Variants in SCOC observed in about 807,000 individuals in gnomAD.
SCOC encodes the protein short coiled coil protein.
A neutral mutation model predicts 9.9 loss-of-function variants in SCOC; 7 were observed. The observed-to-expected ratio is 0.71, with a 90% confidence interval of 0.40 to 1.33. The LOEUF (loss-of-function observed/expected upper bound fraction) is 1.33, where lower values mean the gene tolerates loss of function less well. Among genes scored for constraint, SCOC ranks in the 40% most tolerant of loss-of-function variants. The pLI, the probability that SCOC is intolerant of heterozygous loss-of-function variation, is 0.01. For synonymous variants in SCOC, 19 were observed against 28.2 expected (o/e 0.67, Z 1.03); for missense variants, 66 against 89.7 (o/e 0.74, Z 1.07).
chr4:140,348,804 G>A (rs1158477031), intron 2 of SCOC, among the ~76,000 whole-genome samples: 3 of 152,152 alleles, frequency 2.0e-5, no homozygotes, highest in Non-Finnish European at 2.9e-5. Flanking sequence ...TTCTATAGTA[G>A]CTGTACTAAT....
At chr4:140,321,548 ACTGT>A (rs1448570915) in intron 1 of SCOC, among the ~76,000 whole-genome samples, 2 of 152,198 alleles carry the variant, frequency 1.3e-5, no homozygotes, top group Non-Finnish European at 2.9e-5. Flanking sequence ...AGATATGAAG[ACTGT>A]CTTTCATGGG....
chr4:140,277,312 G>A (rs1469272300), intron 1 of SCOC, among the ~76,000 whole-genome samples: 6 of 152,242 alleles, frequency 3.9e-5, no homozygotes, highest in Non-Finnish European at 1.5e-5. Flanking sequence ...CACTGTATGA[G>A]TTGGGGGGGG....
intron 1 of SCOC, among the ~76,000 whole-genome samples, chr4:140,307,306 A>G (rs1321965817): frequency 6.6e-6 from 1 of 152,212 alleles, no homozygotes; most frequent in Non-Finnish European, 1.5e-5. Context: ...CTGGTAGAGC[A>G]TACTCTGCTA....
chr4:140,346,750 C>G (rs530891049), intron 2 of SCOC, among the ~76,000 whole-genome samples: 1 of 152,232 alleles, frequency 6.6e-6, no homozygotes, highest in East Asian at 1.9e-4. Flanking sequence ...CCCAAAGAAA[C>G]ATTACAAATG....
At chr4:140,366,508 T>C in intron 2 of SCOC, 5 of 1,564,606 alleles carry the variant, frequency 3.2e-6, no homozygotes, top group Non-Finnish European at 4.4e-6. Flanking sequence ...GATTATTCTG[T>C]TCCTCATTGC....
intron 2 of SCOC, chr4:140,366,286 G>T: frequency 7.2e-7 from 1 of 1,396,944 alleles, no homozygotes; most frequent in Non-Finnish European, 9.5e-7. Flanking sequence ...GGAGCTTTTT[G>T]ACCCTTCTGA....
At chr4:140,306,160 TG>T (rs1731975673) in intron 1 of SCOC, among the ~76,000 whole-genome samples, 2 of 152,034 alleles carry the variant, frequency 1.3e-5, no homozygotes, top group Admixed American at 1.3e-4. Flanking sequence ...TGGCGGAAGG[TG>T]AATGAGGATC....
chr4:140,346,941 A>G (rs1052308591), intron 2 of SCOC, among the ~76,000 whole-genome samples: 2 of 152,284 alleles, frequency 1.3e-5, no homozygotes, highest in Admixed American at 6.5e-5. Flanking sequence ...TGAACTATGT[A>G]TCTTTCAATG....
At chr4:140,361,974 ATTTC>A (rs1470173971) in intron 2 of SCOC, among the ~76,000 whole-genome samples, 1 of 152,024 alleles carries the variant, frequency 6.6e-6, no homozygotes, top group East Asian at 1.9e-4. Context: ...TTGAGGAGCT[ATTTC>A]TTCTAAGGCT....
intron 1 of SCOC, among the ~76,000 whole-genome samples, chr4:140,294,358 T>C (rs1413671400): frequency 6.6e-6 from 1 of 152,200 alleles, no homozygotes; most frequent in Admixed American, 6.5e-5. Context: ...CGGATGCCAC[T>C]GTGGAAATTA....
chr4:140,299,486 G>A (rs1731752336), intron 1 of SCOC, among the ~76,000 whole-genome samples: 1 of 152,106 alleles, frequency 6.6e-6, no homozygotes, highest in African/African-American at 2.4e-5. Context: ...ATTTCTTAAA[G>A]TTAGAAGCTA....
At chr4:140,319,642 C>G (rs1488222500) in intron 1 of SCOC, among the ~76,000 whole-genome samples, 1 of 151,980 alleles carries the variant, frequency 6.6e-6, no homozygotes, top group African/African-American at 2.4e-5. Flanking sequence ...TTCTCTAAAA[C>G]TTTCAAGATC....
intron 1 of SCOC, among the ~76,000 whole-genome samples, chr4:140,323,066 G>C (rs763038588): frequency 6.6e-6 from 1 of 152,122 alleles, no homozygotes; most frequent in Admixed American, 6.5e-5. Context: ...GATATAGTTT[G>C]GATGTTTGTC....
At chr4:140,294,561 G>A (rs909608125) in intron 1 of SCOC, among the ~76,000 whole-genome samples, 1 of 152,112 alleles carries the variant, frequency 6.6e-6, no homozygotes, top group African/African-American at 2.4e-5. Context: ...TCAAAGACTT[G>A]GAGGAAATGA....
intron 1 of SCOC, among the ~76,000 whole-genome samples, chr4:140,374,743 C>T (rs997897714): frequency 3.3e-5 from 5 of 152,068 alleles, no homozygotes; most frequent in Admixed American, 6.5e-5. Flanking sequence ...AAGTTTTTTC[C>T]ATTGCATAAT....
At chr4:140,292,081 T>C (rs1454534110) in intron 1 of SCOC, among the ~76,000 whole-genome samples, 1 of 152,106 alleles carries the variant, frequency 6.6e-6, no homozygotes, top group African/African-American at 2.4e-5. Context: ...TGCCTTCTTT[T>C]GATTGTGGCA....
Position 140,379,674 on chromosome 4 carries a change from T to G in SCOC, c.106+22T>G, listed in dbSNP as rs761322108. The G allele has an allele frequency of 7.2e-6, 11 of 1,525,718 alleles. No individual in the cohort carries two copies. The African/African-American group carries it at 1.4e-4, about 19-fold the overall frequency. The allele number at this position is 1,525,718 out of a possible 1,614,324, so 94.5% of individuals were successfully genotyped here. On this transcript the variant is annotated intron_variant, in intron 3 of 3. Coordinates refer to ENST00000608372, the MANE Select transcript of SCOC (RefSeq NM_001153484.2). ...GAAGGTTGGCTTGCATTTTGTAGTTTATTTGAATGACAGCCAATTAATTGA... is the reference window on the plus strand; with the variant it reads ...GAAGGTTGGCTTGCATTTTGTAGTTGATTTGAATGACAGCCAATTAATTGA...
chr4:140,377,940 G>C (rs1406098186), intron 1 of SCOC, among the ~76,000 whole-genome samples: 1 of 152,176 alleles, frequency 6.6e-6, no homozygotes, highest in East Asian at 1.9e-4. Context: ...CAATGTAGTA[G>C]ATTAGATTGG....
At chr4:140,297,275 G>T (rs868539301) in intron 1 of SCOC, among the ~76,000 whole-genome samples, 6 of 151,888 alleles carry the variant, frequency 4.0e-5, no homozygotes, top group Admixed American at 6.6e-5. Context: ...ACTGTGGGGG[G>T]GGGGGCACTG....
Sources: allele counts gnomAD v4.1 joint callset (sites outside exome capture counted in the v4.1 genomes callset), GRCh38; gene constraint gnomAD v4.1.1; transcripts MANE v1.5; gene names NCBI Gene and HGNC (gene_info 2026-07-23, HGNC 2026-07-21).